The following PLAGL1 variants were observed in gnomAD, a reference collection of about 807,000 sequenced individuals.
The protein encoded by PLAGL1 is zinc finger protein PLAGL1.
PLAGL1 carries 1 observed loss-of-function variant against 4.6 expected under a neutral mutation model. That is an observed-to-expected ratio of 0.22 (90% CI 0.08 to 1.03). PLAGL1 has a LOEUF of 1.03. PLAGL1 is among the 50% of genes least tolerant of loss of function. The pLI is 0.58. For synonymous variants in PLAGL1, 240 were observed against 237.8 expected, an observed-to-expected ratio of 1.01 and a Z score of -0.08; for missense variants, 464 against 570.4, an observed-to-expected ratio of 0.81 and a Z score of 1.90.
chr6:144,038,524 A>G (rs1184458422), intron 1 of PLAGL1, among the ~76,000 whole-genome samples: 2 of 152,200 alleles, frequency 1.3e-5, no homozygotes, highest in Non-Finnish European at 2.9e-5. Context: ...AAATAAACCC[A>G]TATGTCTGTA....
At chr6:144,046,516 G>A (rs1288012025) in intron 1 of PLAGL1, among the ~76,000 whole-genome samples, 2 of 152,196 alleles carry the variant, frequency 1.3e-5, no homozygotes, top group Admixed American at 6.5e-5. Flanking sequence ...CACCAGCAGA[G>A]GCTGCAGAAG....
At position 143,948,032 on chromosome 6, in the gene PLAGL1, C is replaced by T. The variant is rs1342100672; in HGVS notation, c.105G>A (p.Val35=). The stretch of plus-strand genomic sequence containing the variant: ...CAAAGGCTTTGCCACAGTCAGGCTG[C>T]ACACACTTGTACGGCCGCTCCCTGG... ...SHSRERPYKC[V]QPDCGKAFVS... The change falls in exon 7 of 8, where the codon GTG becomes GTA. Residue 35 remains valine (V), a synonymous_variant. Coordinates refer to ENST00000674357, the MANE Select transcript of PLAGL1 (RefSeq NM_001317162.2). This position sits in a 1 kb window ranked among gnomAD's most constrained non-coding sequence, Gnocchi z 6.0. The T allele has an allele frequency of 6.2e-7, 1 of 1,613,962 alleles. No individual in the cohort carries two copies.
At chr6:143,977,597 C>T (rs1157868793) in intron 2 of PLAGL1, among the ~76,000 whole-genome samples, 5 of 150,898 alleles carry the variant, frequency 3.3e-5, no homozygotes, top group African/African-American at 4.9e-5. Flanking sequence ...CTCAGCCTCC[C>T]GAGTAGCTGG....
rs1208846761 is a variant in PLAGL1 at position 143,942,437 on chromosome 6, G to T, written c.379C>A (p.Leu127Met). The change falls in exon 8 of 8, where the codon CTG becomes ATG. Residue 127 changes from leucine to methionine, a missense_variant. Leu to Met is a conservative substitution (Grantham distance 15, BLOSUM62 2). Coordinates refer to ENST00000674357, the MANE Select transcript of PLAGL1 (RefSeq NM_001317162.2). This position sits in a 1 kb window ranked among gnomAD's most constrained non-coding sequence, Gnocchi z 7.6. ...SGDLTCGVCA[L>M]ELGSTEVLLD... Reference sequence around the variant, plus strand: ...AGCACCTCGGTGCTCCCTAGCTCCAGGGCACAGACCCCACAGGTGAGGTCC... The same window carrying T: ...AGCACCTCGGTGCTCCCTAGCTCCATGGCACAGACCCCACAGGTGAGGTCC... 12 of 1,614,036 alleles carry T rather than the reference G, an allele frequency of 7.4e-6. No homozygotes were observed. Among genetic ancestry groups the T allele is most frequent in the African/African-American group, 1.3e-5 (1 of 74,916 alleles).
At chr6:144,043,172 C>A (rs555411799) in intron 1 of PLAGL1, among the ~76,000 whole-genome samples, 1 of 152,300 alleles carries the variant, frequency 6.6e-6, no homozygotes, top group East Asian at 1.9e-4. Context: ...TTATTTCTTT[C>A]TTTTGCCTGA....
At chr6:144,049,882 C>T (rs1010458597) in intron 1 of PLAGL1, among the ~76,000 whole-genome samples, 1 of 152,070 alleles carries the variant, frequency 6.6e-6, no homozygotes, top group Admixed American at 6.5e-5. Flanking sequence ...CTTCGTGCTG[C>T]GTAGCTTCTG....
At chr6:144,032,598 G>A (rs1000990963) in intron 1 of PLAGL1, among the ~76,000 whole-genome samples, 1 of 152,082 alleles carries the variant, frequency 6.6e-6, no homozygotes, top group African/African-American at 2.4e-5. Flanking sequence ...GTCTTGGTTT[G>A]TCACTCAGGC....
rs1189137807 is a variant in PLAGL1 at position 144,013,630 on chromosome 6, C to T, written c.-150-44652G>A. Among the ~76,000 whole-genome samples, 2 of 152,226 alleles carry T rather than the reference C, an allele frequency of 1.3e-5. No individual in the cohort carries two copies. ...GTGGCTCTAGTGGAGATTCCTTCCT[C>T]ACAACTTCCAGCTTTTGGTGACCAC... On this transcript the variant is annotated intron_variant, in intron 1 of 3. Transcript: ENST00000437412. This position sits in a 1 kb window ranked among gnomAD's most constrained non-coding sequence, Gnocchi z 4.4.
At position 144,004,967 on chromosome 6, in the gene PLAGL1, T is replaced by A. The variant is rs1583628342; in HGVS notation, c.-584+3123A>T. ...ATATATATACATTTATATAAATATA[T>A]TTAATTTTTATATAAACTCTACAGA... On this transcript the variant is annotated intron_variant, in intron 1 of 7. Transcript: ENST00000674357. The surrounding 1 kb of genome is among the most constrained non-coding windows in gnomAD (Gnocchi z 4.2). The A allele has an allele frequency of 1.3e-5, 2 of 149,162 alleles. No individual in the cohort carries two copies. The highest frequency in any genetic ancestry group is 4.9e-5 in the African/African-American group (2 of 41,058). The allele number at this position is 149,162 out of a possible 1,614,324, so 9.2% of individuals were successfully genotyped here.
intron 1 of PLAGL1, among the ~76,000 whole-genome samples, chr6:144,002,160 C>T (rs1793046054): frequency 6.6e-6 from 1 of 152,108 alleles, no homozygotes. Context: ...AAACACTGCA[C>T]TATCTTTGCA....
intron 1 of PLAGL1, among the ~76,000 whole-genome samples, chr6:144,049,909 T>C (rs1055052365): frequency 2.6e-5 from 4 of 151,988 alleles, no homozygotes; most frequent in Non-Finnish European, 5.9e-5. Context: ...AGGGAGAGGA[T>C]AAATTGAGTA....
intron 1 of PLAGL1, among the ~76,000 whole-genome samples, chr6:144,047,721 G>A (rs909088916): frequency 6.6e-6 from 1 of 152,112 alleles, no homozygotes; most frequent in Non-Finnish European, 1.5e-5. Flanking sequence ...GAGGATTATG[G>A]AGATTACAAT....
chr6:143,993,356 AC>A (rs1790936203), intron 1 of PLAGL1, among the ~76,000 whole-genome samples: 1 of 151,934 alleles, frequency 6.6e-6, no homozygotes, highest in Non-Finnish European at 1.5e-5. Context: ...ACACACACAC[AC>A]ACACACACAC....
In PLAGL1 at chr6:143,960,584, G is replaced by C. The variant is rs1228642044; in HGVS notation, c.-398-42C>G. 1.3e-5 allele frequency: 2 copies of C among 152,188 alleles called. No homozygotes were observed. The highest frequency in any genetic ancestry group is 2.9e-5 in the Non-Finnish European group (2 of 68,034). The allele number at this position is 152,188 out of a possible 1,614,324, so 9.4% of individuals were successfully genotyped here. ...TGTACATCGTCAGGGAATGAAGCTA[G>C]GAAAACATTCCTCCATTATGTTACC... On this transcript the variant is annotated intron_variant, in intron 5 of 7. Coordinates refer to ENST00000674357, the MANE Select transcript of PLAGL1 (RefSeq NM_001317162.2). The surrounding 1 kb of genome is among the most constrained non-coding windows in gnomAD (Gnocchi z 5.7).
At chr6:143,999,827 A>C (rs1368317048) in intron 1 of PLAGL1, among the ~76,000 whole-genome samples, 1 of 151,706 alleles carries the variant, frequency 6.6e-6, no homozygotes, top group Non-Finnish European at 1.5e-5. Flanking sequence ...AAAATAACCT[A>C]ACACTAAGTA....
chr6:144,019,950 A>G (rs1795851812), intron 1 of PLAGL1, among the ~76,000 whole-genome samples: 1 of 152,160 alleles, frequency 6.6e-6, no homozygotes, highest in African/African-American at 2.4e-5. Flanking sequence ...ATCCAGCTGA[A>G]TATTTGTGTC....
chr6:143,941,942 C>T lies in PLAGL1; in HGVS notation c.874G>A (p.Gly292Ser). The change falls in exon 8 of 8, where the codon GGC (glycine) becomes AGC (serine). Residue 292 changes from glycine to serine, a missense_variant. Gly to Ser is a moderately conservative substitution (Grantham distance 56). Coordinates refer to ENST00000674357, the MANE Select transcript of PLAGL1 (RefSeq NM_001317162.2). The surrounding 1 kb of genome is among the most constrained non-coding windows in gnomAD (Gnocchi z 6.0). ...LASLHPSVSP[G>S]SPPPPLPNHK... The stretch of plus-strand genomic sequence containing the variant: ...TTGGGAAGGGGTGGCGGAGGAGAGC[C>T]AGGGGATACCGAGGGGTGGAGGGAG... 6.2e-7 allele frequency: 1 copy of T among 1,606,310 alleles called. No homozygotes were observed. The highest frequency in any genetic ancestry group is 1.1e-5 in the South Asian group (1 of 89,978).
At chr6:143,969,929 G>A (rs566987953) in intron 2 of PLAGL1, among the ~76,000 whole-genome samples, 19 of 152,240 alleles carry the variant, frequency 1.2e-4, no homozygotes, top group African/African-American at 4.1e-4. Context: ...GACAGCAAAT[G>A]ATGAGAGGGC....
rs546435445 is a variant in PLAGL1, at chr6:143,954,563, T to A, written c.-325+5906A>T. On this transcript the variant is annotated intron_variant, in intron 6 of 7. Coordinates refer to ENST00000674357, the MANE Select transcript of PLAGL1 (RefSeq NM_001317162.2). The surrounding 1 kb of genome is among the most constrained non-coding windows in gnomAD (Gnocchi z 5.1). ...AGCTAATATAATCCAGAGACTAACATTCATTGACTAAATGGTTAAAATATG... is the reference window on the plus strand; with the variant it reads ...AGCTAATATAATCCAGAGACTAACAATCATTGACTAAATGGTTAAAATATG... 3.9e-4 allele frequency among the ~76,000 whole-genome samples: 59 copies of A among 152,288 alleles called. No homozygotes were observed. The highest frequency in any genetic ancestry group is 6.8e-3 in the Middle Eastern group (2 of 294).
Sources: gnomAD v4.1 joint callset for allele counts (sites outside exome capture counted in the v4.1 genomes callset) on GRCh38, gnomAD v4.1.1 for gene constraint, Gnocchi (gnomAD v3.1) non-coding constraint, MANE v1.5 for transcripts, NCBI Gene and HGNC (gene_info 2026-07-23, HGNC 2026-07-21) for gene names.